The following ITPKC variants were observed in gnomAD, a reference collection of about 807,000 sequenced individuals.
The protein encoded by ITPKC is inositol-trisphosphate 3-kinase C, also known as IP3 3-kinase C.
Under a neutral mutation model 67.1 loss-of-function variants are expected in ITPKC, and 33 were observed. The ratio of observed to expected loss-of-function variants is 0.49; its 90% CI spans 0.37 to 0.66. ITPKC has a LOEUF of 0.66. Among genes scored for constraint, ITPKC ranks in the 30% least tolerant of loss-of-function variants. The pLI, the probability that ITPKC is intolerant of heterozygous loss-of-function variation, is 0.00. For synonymous variants in ITPKC, 341 were observed against 359.8 expected, an observed-to-expected ratio of 0.95 and a Z score of 0.59; for missense variants, 820 against 892.1, an observed-to-expected ratio of 0.92 and a Z score of 1.03.
At chr19:40,729,128 G>T (rs2082258796) in intron 2 of ITPKC, 74 bp from the exon 3 acceptor site, 1 of 1,192,344 alleles carries the variant, frequency 8.4e-7, no homozygotes, top group Non-Finnish European at 1.2e-6. Context: ...AGGATCTGAT[G>T]CAAACAGGCA....
Position 40,737,730 on chromosome 19 carries a change from T to C in ITPKC, c.1809T>C (p.Arg603=). The C allele has an allele frequency of 6.2e-7, 1 of 1,614,112 alleles. No homozygotes were observed. Among genetic ancestry groups the C allele is most frequent in the Non-Finnish European group, 8.5e-7 (1 of 1,180,008 alleles). The change falls in exon 6 of 7, where the codon CGT becomes CGC. Residue 603 remains arginine, a synonymous_variant. Coordinates refer to ENST00000263370, the MANE Select transcript of ITPKC (RefSeq NM_025194.3). ...ACGTGGCATGCCTAGAAGAACTTCG[T>C]GAAGCTCTGGAGATCTCCCCCTTCT... ...QKYVACLEEL[R]EALEISPFFK...
At chr19:40,731,550 C>T (rs1215108899) in intron 3 of ITPKC, among the ~76,000 whole-genome samples, 2 of 151,626 alleles carry the variant, frequency 1.3e-5, no homozygotes, top group Non-Finnish European at 2.9e-5. Flanking sequence ...GCTCCAGGAA[C>T]CTCCACAGGG....
chr19:40,729,382 G>A lies in ITPKC; in HGVS notation c.1436G>A (p.Gly479Asp), dbSNP rs376093815. The A allele has an allele frequency of 4.3e-6, 7 of 1,613,536 alleles. No homozygotes were observed. The highest frequency in any genetic ancestry group is 2.7e-5 in the African/African-American group (2 of 74,938). Residue 479 changes from glycine (G) to aspartate (D), a missense_variant, in exon 3 of 7, where the codon GGC becomes GAC. Coordinates refer to ENST00000263370, the MANE Select transcript of ITPKC (RefSeq NM_025194.3). Reference sequence around the variant, plus strand: ...GAAGACCTCCTGGCTGACTTTGAGGGCCCCTCCATTATGGACTGCAAGATG... The same window carrying A: ...GAAGACCTCCTGGCTGACTTTGAGGACCCCTCCATTATGGACTGCAAGATG... The part of the protein sequence containing the change: ...QMEDLLADFE[G>D]PSIMDCKMGS...
In ITPKC at chr19:40,733,236, G is replaced by A; in HGVS notation, c.1546G>A (p.Ala516Thr). 1 of 1,614,228 alleles carries A rather than the reference G, an allele frequency of 6.2e-7. No individual in the cohort carries two copies. The highest frequency in any genetic ancestry group is 8.5e-7 in the Non-Finnish European group (1 of 1,180,042). Residue 516 changes from alanine to threonine, a missense_variant, in exon 4 of 7, where the codon GCT becomes ACT. Ala to Thr is a moderately conservative substitution (Grantham distance 58). This residue lies in a region of ITPKC where 339 missense variants were observed against 422.0 expected (regional missense o/e 0.80). Coordinates refer to ENST00000263370, the MANE Select transcript of ITPKC (RefSeq NM_025194.3). ...GAAGGACATGTATGAGAAGATGGTG[G>A]CTGTGGACCCTGGGGCCCCTACCCC... is the stretch of plus-strand genomic sequence containing the variant. ...PRKDMYEKMV[A>T]VDPGAPTPEE... is the part of the protein sequence containing the mutation.
At chr19:40,729,436 G>A (rs776194505) in intron 3 of ITPKC, 21 bp downstream of exon 3, 4 of 1,596,556 alleles carry the variant, frequency 2.5e-6, no homozygotes, top group Non-Finnish European at 3.4e-6. Context: ...GGCAGCCCTG[G>A]GGCAGGGATG....
chr19:40,720,950 T>C (rs1387557810), intron 1 of ITPKC, among the ~76,000 whole-genome samples: 1 of 152,100 alleles, frequency 6.6e-6, no homozygotes, highest in Non-Finnish European at 1.5e-5. Flanking sequence ...TCTTTTTCTT[T>C]TTTTGGTAGG....
chr19:40,724,325 G>A (rs926842278), intron 1 of ITPKC, among the ~76,000 whole-genome samples: 18 of 152,202 alleles, frequency 1.2e-4, no homozygotes, highest in Non-Finnish European at 4.4e-5. Flanking sequence ...AGGAGTTGGA[G>A]GTTGCAGTGA....
intron 2 of ITPKC, among the ~76,000 whole-genome samples, chr19:40,726,674 A>G (rs1287608190): frequency 6.6e-6 from 1 of 152,224 alleles, no homozygotes; most frequent in African/African-American, 2.4e-5. Context: ...AAATAAGGCA[A>G]GACCCCCTAA....
At chr19:40,725,768 C>G (rs2604896) in intron 2 of ITPKC, among the ~76,000 whole-genome samples, 1,887 of 152,246 alleles carry the variant, frequency 0.012, 39 homozygotes, top group African/African-American at 0.043. Context: ...GATAACCTTA[C>G]CTCCCTTGCA....
chr19:40,725,871 A>G (rs547947424), intron 2 of ITPKC, among the ~76,000 whole-genome samples: 1 of 152,310 alleles, frequency 6.6e-6, no homozygotes, highest in East Asian at 1.9e-4. Flanking sequence ...TGGCAGGCCA[A>G]AACAGGAGGA....
At chr19:40,724,564 C>T (rs1034859196) in intron 1 of ITPKC, among the ~76,000 whole-genome samples, 2 of 152,122 alleles carry the variant, frequency 1.3e-5, no homozygotes, top group African/African-American at 4.8e-5. Context: ...TTCTGTCTCT[C>T]TCTGTGGTCC....
intron 4 of ITPKC, among the ~76,000 whole-genome samples, chr19:40,736,222 G>A (rs532726957): frequency 1.1e-4 from 17 of 152,104 alleles, no homozygotes; most frequent in East Asian, 3.9e-4. Context: ...CCCAGGGGGC[G>A]GAGCTTGCAG....
rs1599645627 is a variant in ITPKC, at chr19:40,718,224, C to T, written c.1089C>T (p.Phe363=). ...GCGGCTTCTCCTCTGCCTCTTCTTTCGACGAGTCTGAGGATGACGTGGTGG... is the reference window on the plus strand; with the variant it reads ...GCGGCTTCTCCTCTGCCTCTTCTTTTGACGAGTCTGAGGATGACGTGGTGG... The part of the protein sequence containing the change: ...GSGGFSSASS[F]DESEDDVVAG... The change falls in exon 1 of 7, where the codon TTC becomes TTT. Residue 363 remains phenylalanine (F), a synonymous_variant. Coordinates refer to ENST00000263370, the MANE Select transcript of ITPKC (RefSeq NM_025194.3). 5 of 1,544,002 alleles carry T rather than the reference C, an allele frequency of 3.2e-6. No homozygotes were observed. The highest frequency in any genetic ancestry group is 4.5e-5 in the East Asian group (2 of 44,410).
intron 1 of ITPKC, among the ~76,000 whole-genome samples, chr19:40,723,151 C>CG (rs1165776956): frequency 1.3e-5 from 2 of 151,892 alleles, no homozygotes; most frequent in African/African-American, 4.8e-5. Context: ...TTAGTAGAGA[C>CG]GGGGTTTCAC....
At chr19:40,720,196 TCTCTA>T in intron 1 of ITPKC, among the ~76,000 whole-genome samples, 1 of 151,882 alleles carries the variant, frequency 6.6e-6, no homozygotes, top group Non-Finnish European at 1.5e-5. Context: ...TGAAACCCTG[TCTCTA>T]CTAAAATACA....
intron 2 of ITPKC, among the ~76,000 whole-genome samples, chr19:40,727,555 C>T (rs1275163670): frequency 6.6e-6 from 1 of 152,162 alleles, no homozygotes; most frequent in Non-Finnish European, 1.5e-5. Context: ...AGGCTACAAG[C>T]TGAAAACTTT....
At chr19:40,724,641 G>T (rs989733719) in intron 1 of ITPKC, among the ~76,000 whole-genome samples, 1 of 152,086 alleles carries the variant, frequency 6.6e-6, no homozygotes, top group African/African-American at 2.4e-5. Context: ...TAGGGACAGA[G>T]ATGGGGCTTC....
intron 6 of ITPKC, 39 bp from the exon 7 acceptor site, chr19:40,739,318 G>A (rs1438061781): frequency 2.0e-6 from 3 of 1,528,588 alleles, no homozygotes; most frequent in Non-Finnish European, 2.7e-6. Context: ...CTTGGCCAGT[G>A]CCTGCTCCTC....
chr19:40,733,385 G>A (rs2082280871), intron 4 of ITPKC, 21 bp downstream of exon 4: 1 of 1,587,254 alleles, frequency 6.3e-7, no homozygotes, highest in African/African-American at 1.3e-5. Context: ...GGAACCGCCT[G>A]GCCTGTCCCG....
Sources: allele counts gnomAD v4.1 joint callset (sites outside exome capture counted in the v4.1 genomes callset), GRCh38; gene constraint gnomAD v4.1.1; regional missense constraint gnomAD v4.1.1; transcripts MANE v1.5; gene names NCBI Gene and HGNC (gene_info 2026-07-23, HGNC 2026-07-21).